Variants in COLQ observed in about 807,000 individuals in gnomAD.
The protein encoded by COLQ is acetylcholinesterase collagenic tail peptide.
Under a neutral mutation model 69.0 loss-of-function variants are expected in COLQ, and 48 were observed. That is an observed-to-expected ratio of 0.70 (90% confidence interval 0.55 to 0.88). The LOEUF (loss-of-function observed/expected upper bound fraction) is 0.88. Among genes scored for constraint, COLQ ranks in the 40% least tolerant of loss-of-function variants. The pLI is 0.00. For missense variants in COLQ, 618 were observed against 594.6 expected (o/e 1.04, Z -0.41); for synonymous variants, 217 against 211.2 (o/e 1.03, Z -0.24).
intron 15 of COLQ, 67 bp downstream of exon 15, chr3:15,455,832 G>C: frequency 6.2e-7 from 1 of 1,606,242 alleles, no homozygotes; most frequent in Non-Finnish European, 8.5e-7. Context: ...TGGTGTCCAG[G>C]GCTGGCCCTG....
intron 10 of COLQ, among the ~76,000 whole-genome samples, chr3:15,470,876 C>T (rs1161035694): frequency 6.6e-6 from 1 of 152,156 alleles, no homozygotes; most frequent in Non-Finnish European, 1.5e-5. Context: ...TGGAGCAGCA[C>T]ACATTTTGAT....
chr3:15,475,271 T>C, intron 7 of COLQ, 154 bp downstream of exon 7: 4 of 779,252 alleles, frequency 5.1e-6, no homozygotes, highest in Non-Finnish European at 8.6e-6. Flanking sequence ...CAGGGCATGA[T>C]GTTCTCCAAA....
chr3:15,453,930 G>A lies in COLQ; in HGVS notation c.1197C>T (p.Arg399=). Residue 399 remains arginine (R), a splice_region_variant and synonymous_variant, in exon 16 of 17, where the codon CGC becomes CGT. Transcript: ENST00000383788. ...CATCTCCACAGTAGGCACGGTGACA[G>A]CCTGAGGGGACATAAGGAGGTGCAG... The part of the protein sequence containing the change: ...GNSDVGDDCI[R]CHRAYCGDGH... 1.2e-6 allele frequency: 2 copies of A among 1,603,256 alleles called. No individual in the cohort carries two copies. The highest frequency in any genetic ancestry group is 1.7e-6 in the Non-Finnish European group (2 of 1,173,936).
chr3:15,498,694 G>C, intron 1 of COLQ: 3 of 1,547,352 alleles, frequency 1.9e-6, no homozygotes, highest in Non-Finnish European at 1.7e-6. Flanking sequence ...TTGGCATTAG[G>C]GGTGGGAGTT....
rs199470447 is a variant in COLQ, at chr3:15,488,308, C to T, written c.220-1G>A. 1.2e-6 allele frequency: 2 copies of T among 1,612,926 alleles called. No individual in the cohort carries two copies. Among genetic ancestry groups the T allele is most frequent in the Admixed American group, 3.3e-5 (2 of 60,008 alleles). ...GATTCTTCATGTCTGGGGAGAGAAG[C>T]TTCAGTACAAAGCAACACAGAGTTA... On this transcript the variant is annotated splice_acceptor_variant, in intron 2 of 16. Transcript: ENST00000383788. LOFTEE classifies it high-confidence loss of function.
At chr3:15,491,364 C>T (rs1205414188) in intron 1 of COLQ, among the ~76,000 whole-genome samples, 8 of 152,196 alleles carry the variant, frequency 5.3e-5, no homozygotes, top group South Asian at 4.1e-4. Flanking sequence ...AGAACATGCA[C>T]GCCACATTGA....
intron 1 of COLQ, 113 bp from the exon 2 acceptor site, chr3:15,489,750 C>T: frequency 1.1e-6 from 1 of 894,302 alleles, no homozygotes; most frequent in Non-Finnish European, 1.8e-6. Context: ...CATCTAATTT[C>T]TAGCCTGTTA....
At chr3:15,476,748 C>T (rs1311765461) in intron 6 of COLQ, among the ~76,000 whole-genome samples, 3 of 152,212 alleles carry the variant, frequency 2.0e-5, no homozygotes, top group Admixed American at 6.5e-5. Context: ...GCCAACACCA[C>T]CTTCTCAACT....
At chr3:15,479,447 T>A (rs1166796026) in intron 3 of COLQ, 65 bp from the exon 4 acceptor site, 4 of 1,498,892 alleles carry the variant, frequency 2.7e-6, no homozygotes, top group Non-Finnish European at 3.7e-6. Context: ...GGTGTGAGGC[T>A]CTTGGTGCAC....
At chr3:15,489,661 G>A (rs779773868) in intron 1 of COLQ, 24 bp from the exon 2 acceptor site, 16 of 1,605,666 alleles carry the variant, frequency 1.0e-5, no homozygotes, top group East Asian at 6.7e-5. Flanking sequence ...ACTGCCGCTC[G>A]TTAGCATGTG....
rs770753693 is a variant in COLQ at position 15,451,673 on chromosome 3, C to A, written c.1339G>T (p.Asp447Tyr). 4 of 1,614,120 alleles carry A rather than the reference C, an allele frequency of 2.5e-6. No homozygotes were observed. The highest frequency in any genetic ancestry group is 3.4e-6 in the Non-Finnish European group (4 of 1,180,034). The change falls in exon 17 of 17, where the codon GAC (aspartate) becomes TAC (tyrosine). Residue 447 changes from aspartate (D) to tyrosine (Y), a missense_variant. Transcript: ENST00000383788. ...GTGAAGTAGCGGCAGGGCGTGGAGT[C>A]GATGTAGCAGTACTGGGTGCATTGC... Reference protein sequence around the residue: ...DLQCTQYCYIDSTPCRYFT With the variant: ...DLQCTQYCYIYSTPCRYFT
intron 2 of COLQ, among the ~76,000 whole-genome samples, chr3:15,489,074 C>A (rs1312286420): frequency 3.3e-5 from 5 of 152,212 alleles, no homozygotes; most frequent in Non-Finnish European, 7.3e-5. Context: ...CCTCTCACAC[C>A]TCAGTGTGGC....
At chr3:15,489,020 C>A (rs2062621519) in intron 2 of COLQ, among the ~76,000 whole-genome samples, 3 of 152,244 alleles carry the variant, frequency 2.0e-5, no homozygotes, top group Admixed American at 2.0e-4. Flanking sequence ...TTTCCCTAAT[C>A]TTGCTCTTTT....
chr3:15,453,367 TG>T (rs1441785440), intron 16 of COLQ, among the ~76,000 whole-genome samples: 1 of 152,204 alleles, frequency 6.6e-6, no homozygotes, highest in East Asian at 1.9e-4. Context: ...TGATCTCACT[TG>T]CAGTCACAGG....
At chr3:15,494,008 G>T (rs1446482657) in intron 1 of COLQ, among the ~76,000 whole-genome samples, 1 of 152,180 alleles carries the variant, frequency 6.6e-6, no homozygotes, top group Non-Finnish European at 1.5e-5. Context: ...GCTTGAACTT[G>T]GGAGGCAGAG....
intron 3 of COLQ, among the ~76,000 whole-genome samples, chr3:15,483,250 G>A (rs2062521903): frequency 2.0e-5 from 3 of 152,030 alleles, no homozygotes; most frequent in African/African-American, 4.8e-5. Flanking sequence ...CTTGCCTTCT[G>A]CTAGCTTTTG....
At chr3:15,499,021 C>T (rs1298766744) in intron 1 of COLQ, 9 of 984,018 alleles carry the variant, frequency 9.1e-6, no homozygotes, top group Admixed American at 1.0e-4. Context: ...TCAAAGTCAA[C>T]CCCCCACCGA....
intron 12 of COLQ, among the ~76,000 whole-genome samples, chr3:15,463,000 G>A (rs1190686615): frequency 6.6e-6 from 1 of 152,152 alleles, no homozygotes; most frequent in Admixed American, 6.5e-5. Flanking sequence ...GGGTGGAAGA[G>A]AGGGAGCTGG....
At chr3:15,465,411 C>T (rs1334372983) in intron 12 of COLQ, among the ~76,000 whole-genome samples, 1 of 148,380 alleles carries the variant, frequency 6.7e-6, no homozygotes, top group South Asian at 2.1e-4. Flanking sequence ...GGACTATAGG[C>T]GCCCGCCACC....
Sources: gnomAD v4.1 joint callset for allele counts (sites outside exome capture counted in the v4.1 genomes callset) on GRCh38, gnomAD v4.1.1 for gene constraint, MANE v1.5 for transcripts, NCBI Gene and HGNC (gene_info 2026-07-23, HGNC 2026-07-21) for gene names.